NUDT3: variants seen among roughly 807,000 people sequenced by gnomAD.
NUDT3 encodes the protein nudix hydrolase 3, also known as diphosphoinositol polyphosphate phosphohydrolase 1.
In NUDT3, 9 loss-of-function variants were observed where a neutral mutation model predicts 23.6. That is an observed-to-expected ratio of 0.38 (90% CI 0.23 to 0.66). The LOEUF (loss-of-function observed/expected upper bound fraction) is 0.66. NUDT3 is among the 30% of genes least tolerant of loss of function. The pLI is 0.52. For missense variants in NUDT3, 172 were observed against 218.5 expected (o/e 0.79, Z 1.34); for synonymous variants, 86 against 82.6 (o/e 1.04, Z -0.22).
intron 2 of NUDT3, among the ~76,000 whole-genome samples, chr6:34,338,937 T>A (rs1764250003): frequency 6.6e-6 from 1 of 152,190 alleles, no homozygotes; most frequent in Non-Finnish European, 1.5e-5. Context: ...ATAAAAATAG[T>A]TTACAGAATC....
intron 1 of NUDT3, among the ~76,000 whole-genome samples, chr6:34,360,667 A>G (rs1170755398): frequency 6.6e-6 from 1 of 152,192 alleles, no homozygotes; most frequent in East Asian, 1.9e-4. Flanking sequence ...AGTTACTCTT[A>G]TTCTCTCGCC....
chr6:34,391,073 C>G lies in NUDT3; in HGVS notation c.99+1191G>C, dbSNP rs530790884. Among the ~76,000 whole-genome samples, 10 of 150,216 alleles carry G rather than the reference C, an allele frequency of 6.7e-5. No individual in the cohort carries two copies. The East Asian group carries it at 1.9e-3, about 29-fold the overall frequency. On this transcript the variant is annotated intron_variant, in intron 1 of 4. Coordinates refer to ENST00000607016, the MANE Select transcript of NUDT3 (RefSeq NM_006703.4). Reference sequence around the variant, plus strand: ...TGGGATCCCTTAACAACACAATTCACTAACTAATTTTCTTCAGGCAGTAAT... The same window carrying G: ...TGGGATCCCTTAACAACACAATTCAGTAACTAATTTTCTTCAGGCAGTAAT...
At chr6:34,304,650 C>A (rs1007410483) in intron 2 of NUDT3, among the ~76,000 whole-genome samples, 1 of 150,626 alleles carries the variant, frequency 6.6e-6, no homozygotes, top group Admixed American at 6.6e-5. Flanking sequence ...TCAAATTTTT[C>A]TTTTTCCTTT....
intron 1 of NUDT3, among the ~76,000 whole-genome samples, chr6:34,343,958 G>C (rs1201285185): frequency 6.6e-6 from 1 of 152,154 alleles, no homozygotes; most frequent in African/African-American, 2.4e-5. Flanking sequence ...AGTCATTAGG[G>C]AAATGCAAAG....
intron 2 of NUDT3, among the ~76,000 whole-genome samples, chr6:34,324,753 A>G (rs748334994): frequency 1.4e-4 from 21 of 152,214 alleles, no homozygotes; most frequent in Non-Finnish European, 2.8e-4. Flanking sequence ...CAGAGCCACT[A>G]AAAAGTCAAT....
At chr6:34,336,306 G>A (rs1764208403) in intron 2 of NUDT3, among the ~76,000 whole-genome samples, 1 of 152,082 alleles carries the variant, frequency 6.6e-6, no homozygotes, top group African/African-American at 2.4e-5. Context: ...TGAGTGGGGT[G>A]GGGGAGTTTG....
Position 34,282,427 on chromosome 6 carries a change from GC to G in NUDT3, c.*6325del. On this transcript the variant is annotated 3_prime_UTR_variant, in exon 5 of 5. Coordinates refer to ENST00000607016, the MANE Select transcript of NUDT3 (RefSeq NM_006703.4). ...ACAGGGAGGGGAGTAGAATCTTATG[GC>G]CCAGCATTGGCATTGAGGCATCTTG... 6.6e-6 allele frequency: 1 copy of G among 152,224 alleles called. No homozygotes were observed. The highest frequency in any genetic ancestry group is 6.5e-5 in the Admixed American group (1 of 15,288). 9.4% of individuals were successfully genotyped at this position (152,224 alleles called of 1,614,324 possible).
chr6:34,341,910 C>T lies in NUDT3; in HGVS notation c.162G>A (p.Glu54=), dbSNP rs748837626. The T allele has an allele frequency of 7.0e-5, 113 of 1,614,008 alleles. No individual in the cohort carries two copies. The highest frequency in any genetic ancestry group is 9.6e-5 in the Non-Finnish European group (113 of 1,179,998). Reference sequence around the variant, plus strand: ...CTGCCACACTTGGCTCCTCCTCGGGCTCCATGCCTCCTCCAGGGACAATCC... The same window carrying T: ...CTGCCACACTTGGCTCCTCCTCGGGTTCCATGCCTCCTCCAGGGACAATCC... ...DRWIVPGGGM[E]PEEEPSVAAV... The change falls in exon 2 of 5, where the codon GAG becomes GAA. Residue 54 remains glutamate, a synonymous_variant. Coordinates refer to ENST00000607016, the MANE Select transcript of NUDT3 (RefSeq NM_006703.4).
chr6:34,284,859 C>A lies in NUDT3; in HGVS notation c.*3894G>T, dbSNP rs989652812. 1 of 152,130 alleles carries A rather than the reference C, an allele frequency of 6.6e-6. No homozygotes were observed. Among genetic ancestry groups the A allele is most frequent in the East Asian group, 1.9e-4 (1 of 5,198 alleles). The allele number at this position is 152,130 out of a possible 1,614,324, so 9.4% of individuals were successfully genotyped here. A position where few individuals can be genotyped will look rare whatever the true frequency, so the allele number is the denominator to read the frequency against. ...CTCCTAATATCAAAACAAAATATTT[C>A]TTTGCCACAAAGGAACTTGACTATG... is the stretch of plus-strand genomic sequence containing the variant. On this transcript the variant is annotated 3_prime_UTR_variant, in exon 5 of 5. Coordinates refer to ENST00000607016, the MANE Select transcript of NUDT3 (RefSeq NM_006703.4).
intron 2 of NUDT3, among the ~76,000 whole-genome samples, chr6:34,323,885 T>G (rs963933444): frequency 2.0e-5 from 3 of 152,184 alleles, no homozygotes; most frequent in African/African-American, 7.2e-5. Context: ...GCCATGGAAT[T>G]AGGGTAATAT....
chr6:34,292,402 C>CT (rs1237536560), intron 4 of NUDT3, among the ~76,000 whole-genome samples: 4 of 152,126 alleles, frequency 2.6e-5, no homozygotes, highest in African/African-American at 9.7e-5. Context: ...CTAGAATACA[C>CT]TTTCCTTCAG....
chr6:34,360,457 C>T (rs1764633049), intron 1 of NUDT3, among the ~76,000 whole-genome samples: 1 of 151,944 alleles, frequency 6.6e-6, no homozygotes, highest in African/African-American at 2.4e-5. Context: ...ACTTGTAATC[C>T]CAGCTACTCA....
chr6:34,336,577 C>T (rs1449080162), intron 2 of NUDT3, among the ~76,000 whole-genome samples: 1 of 151,980 alleles, frequency 6.6e-6, no homozygotes, highest in Non-Finnish European at 1.5e-5. Context: ...TGATACAATC[C>T]AATCTGTCTA....
intron 2 of NUDT3, among the ~76,000 whole-genome samples, chr6:34,336,795 A>G (rs759436917): frequency 1.8e-4 from 28 of 152,166 alleles, no homozygotes; most frequent in Non-Finnish European, 4.0e-4. Context: ...TATAAATGCA[A>G]TCTGAAACAT....
intron 1 of NUDT3, among the ~76,000 whole-genome samples, chr6:34,370,126 G>A (rs1357593933): frequency 1.3e-5 from 2 of 152,160 alleles, no homozygotes; most frequent in Non-Finnish European, 2.9e-5. Context: ...ATTATCCATA[G>A]AACATTTATG....
intron 1 of NUDT3, among the ~76,000 whole-genome samples, chr6:34,363,712 C>A (rs1181862023): frequency 6.6e-6 from 1 of 152,108 alleles, no homozygotes; most frequent in African/African-American, 2.4e-5. Flanking sequence ...TTCCTCCTAC[C>A]CCCACAATCA....
At chr6:34,372,741 T>C (rs1323189952) in intron 1 of NUDT3, among the ~76,000 whole-genome samples, 1 of 151,188 alleles carries the variant, frequency 6.6e-6, no homozygotes, top group Non-Finnish European at 1.5e-5. Flanking sequence ...GAGGCAGAGG[T>C]TGTGGTGGGC....
intron 2 of NUDT3, among the ~76,000 whole-genome samples, chr6:34,332,041 A>AT (rs1010637373): frequency 6.6e-6 from 1 of 151,730 alleles, no homozygotes; most frequent in African/African-American, 2.4e-5. Context: ...CGCCCAACTA[A>AT]TTTTTTTTAA....
intron 2 of NUDT3, among the ~76,000 whole-genome samples, chr6:34,334,948 G>C (rs2113729693): frequency 1.3e-5 from 2 of 150,836 alleles, no homozygotes; most frequent in Middle Eastern, 6.8e-3. Flanking sequence ...AAAAGGAAAA[G>C]AGGAAAGAGA....
Sources: gnomAD v4.1 joint callset for allele counts (sites outside exome capture counted in the v4.1 genomes callset) on GRCh38, gnomAD v4.1.1 for gene constraint, MANE v1.5 for transcripts, NCBI Gene and HGNC (gene_info 2026-07-23, HGNC 2026-07-21) for gene names.